The following SHANK2 variants were observed in gnomAD, a reference collection of about 807,000 sequenced individuals.
The protein encoded by SHANK2 is SH3 and multiple ankyrin repeat domains 2.
A neutral mutation model predicts 133.7 loss-of-function variants in SHANK2; 43 were observed. That is an observed-to-expected ratio of 0.32 (90% confidence interval 0.25 to 0.41). SHANK2 has a LOEUF of 0.41. SHANK2 is among the 10% of genes least tolerant of loss of function. The pLI is 1.00. For missense variants in SHANK2, 1,994 were observed against 2,235.8 expected (o/e 0.89, Z 2.18); for synonymous variants, 1,017 against 952.8 (o/e 1.07, Z -1.24).
At chr11:70,536,037 G>A (rs1160545309) in intron 17 of SHANK2, among the ~76,000 whole-genome samples, 1 of 152,206 alleles carries the variant, frequency 6.6e-6, no homozygotes, top group Non-Finnish European at 1.5e-5. Context: ...TGCACACACT[G>A]TCGCCAAGGC....
intron 20 of SHANK2, among the ~76,000 whole-genome samples, chr11:70,501,635 C>T (rs1044811079): frequency 2.6e-5 from 4 of 152,358 alleles, no homozygotes; most frequent in East Asian, 1.9e-4. Flanking sequence ...GGCTGCTAGT[C>T]GCCCTTCCCC....
chr11:70,801,187 T>C (rs192458269), intron 13 of SHANK2, among the ~76,000 whole-genome samples: 3 of 152,202 alleles, frequency 2.0e-5, no homozygotes, highest in African/African-American at 7.2e-5. Context: ...CACCTTTTAG[T>C]TCCATATTTA....
intron 9 of SHANK2, among the ~76,000 whole-genome samples, chr11:71,067,955 G>GTCACCACCATCC (rs1454587126): frequency 2.9e-4 from 43 of 149,676 alleles, no homozygotes; most frequent in Admixed American, 2.0e-3. Flanking sequence ...CATTATCACT[G>GTCACCACCATCC]TCACCACCAT....
intron 3 of SHANK2, among the ~76,000 whole-genome samples, chr11:71,133,452 A>AGACG (rs201052806): frequency 0.11 from 12,726 of 111,688 alleles, 2,207 homozygotes; most frequent in African/African-American, 0.38. Context: ...ACGGACGGAC[A>AGACG]GACGGAGGGA....
intron 14 of SHANK2, among the ~76,000 whole-genome samples, chr11:70,728,697 G>A (rs181913154): frequency 1.1e-3 from 164 of 152,350 alleles, no homozygotes; most frequent in African/African-American, 1.7e-3. Flanking sequence ...CCAAGGTGCT[G>A]TTTGAATTAC....
At chr11:70,561,293 A>G (rs560477166) in intron 17 of SHANK2, among the ~76,000 whole-genome samples, 1 of 152,142 alleles carries the variant, frequency 6.6e-6, no homozygotes, top group African/African-American at 2.4e-5. Context: ...AACTGGGACT[A>G]CAGGCATGTG....
At chr11:70,516,181 G>A (rs1591526508) in intron 17 of SHANK2, among the ~76,000 whole-genome samples, 1 of 152,134 alleles carries the variant, frequency 6.6e-6, no homozygotes, top group Admixed American at 6.5e-5. Context: ...ACACAATATC[G>A]AAGGAGGACA....
intron 17 of SHANK2, among the ~76,000 whole-genome samples, chr11:70,583,120 T>C (rs2060204892): frequency 6.6e-6 from 1 of 152,080 alleles, no homozygotes; most frequent in South Asian, 2.1e-4. Context: ...GGCACTGGGC[T>C]GTGGCTGAGA....
intron 10 of SHANK2, among the ~76,000 whole-genome samples, chr11:70,948,014 C>T (rs1453931355): frequency 1.3e-5 from 2 of 152,108 alleles, no homozygotes; most frequent in Admixed American, 6.5e-5. Flanking sequence ...CTCCTGGCTG[C>T]TTCCCACACA....
At chr11:70,701,167 C>T (rs1046413524) in intron 14 of SHANK2, among the ~76,000 whole-genome samples, 10 of 149,684 alleles carry the variant, frequency 6.7e-5, no homozygotes, top group African/African-American at 1.5e-4. Flanking sequence ...TGTGTGTACG[C>T]GTGTGTGTGT....
At chr11:70,786,197 T>C (rs192037384) in intron 14 of SHANK2, among the ~76,000 whole-genome samples, 66 of 152,330 alleles carry the variant, frequency 4.3e-4, no homozygotes, top group Non-Finnish European at 7.9e-4. Context: ...CACCTGTCCT[T>C]TGCTTCTGTG....
chr11:70,824,676 G>A (rs1420306058), intron 11 of SHANK2, among the ~76,000 whole-genome samples: 1 of 152,084 alleles, frequency 6.6e-6, no homozygotes, highest in East Asian at 1.9e-4. Flanking sequence ...AACCATGTTG[G>A]TGCCCTCCCT....
At chr11:70,930,128 T>TAA (rs1950482601) in intron 10 of SHANK2, among the ~76,000 whole-genome samples, 1 of 152,238 alleles carries the variant, frequency 6.6e-6, no homozygotes, top group Non-Finnish European at 1.5e-5. Context: ...ACGGGCCAAG[T>TAA]GCAGGACCTA....
At chr11:70,621,051 A>T (rs1554997613) in intron 17 of SHANK2, among the ~76,000 whole-genome samples, 1 of 152,230 alleles carries the variant, frequency 6.6e-6, no homozygotes, top group Non-Finnish European at 1.5e-5. Flanking sequence ...ATGGATGGTA[A>T]CAGCACCTGC....
At chr11:70,724,357 G>T (rs1288757812) in intron 14 of SHANK2, among the ~76,000 whole-genome samples, 3 of 152,122 alleles carry the variant, frequency 2.0e-5, no homozygotes, top group African/African-American at 7.2e-5. Context: ...CTTACACTTT[G>T]CTCAGTTAAG....
intron 10 of SHANK2, among the ~76,000 whole-genome samples, chr11:70,927,974 G>A (rs1433321006): frequency 6.6e-6 from 1 of 152,184 alleles, no homozygotes; most frequent in African/African-American, 2.4e-5. Context: ...TCTTTGGTTT[G>A]CAGATGGCAG....
intron 15 of SHANK2, among the ~76,000 whole-genome samples, chr11:70,695,596 G>C (rs575893934): frequency 6.6e-6 from 1 of 152,326 alleles, no homozygotes; most frequent in African/African-American, 2.4e-5. Context: ...CCGCGGGAGG[G>C]TGGGGCCTGA....
rs536762147 is a variant in SHANK2, at chr11:71,165,037, A to C, written c.-12-17699T>G. On this transcript the variant is annotated intron_variant, in intron 2 of 25. Transcript: ENST00000601538. ...CCTTAACTTTAATTTTCTTGTCTTCATTTTTTTTTTTTTTGAGATGGAGTC... is the reference window on the plus strand; with the variant it reads ...CCTTAACTTTAATTTTCTTGTCTTCCTTTTTTTTTTTTTTGAGATGGAGTC... 4.0e-3 allele frequency among the ~76,000 whole-genome samples: 569 copies of C among 143,156 alleles called. 7 individuals carry two copies. The highest frequency in any genetic ancestry group is 0.014 in the African/African-American group (536 of 39,026). 93.9% of individuals were successfully genotyped at this position (143,156 alleles called of 152,430 possible). A position where few individuals can be genotyped will look rare whatever the true frequency, so the allele number is the denominator to read the frequency against.
intron 14 of SHANK2, among the ~76,000 whole-genome samples, chr11:70,721,814 A>G (rs907103490): frequency 1.3e-5 from 2 of 152,252 alleles, no homozygotes; most frequent in Non-Finnish European, 2.9e-5. Flanking sequence ...CTCTTTTCGC[A>G]AGAAGCACAG....
Sources: gnomAD v4.1 joint callset for allele counts (sites outside exome capture counted in the v4.1 genomes callset) on GRCh38, gnomAD v4.1.1 for gene constraint, MANE v1.5 for transcripts, NCBI Gene and HGNC (gene_info 2026-07-23, HGNC 2026-07-21) for gene names.